Variants in ZNF385B observed in about 807,000 individuals in gnomAD.
The protein encoded by ZNF385B is zinc finger protein 385B, also known as zinc finger protein 533.
Under a neutral mutation model 39.2 loss-of-function variants are expected in ZNF385B, and 23 were observed. The ratio of observed to expected loss-of-function variants is 0.59; its 90% CI spans 0.42 to 0.83. The LOEUF is 0.83. ZNF385B is among the 40% of genes least tolerant of loss of function. The probability of loss-of-function intolerance (pLI) is 0.00; values close to 1 mark genes in which losing one functional copy is unlikely to be tolerated. For missense variants in ZNF385B, 552 were observed against 598.9 expected, an observed-to-expected ratio of 0.92 and a Z score of 0.82; for synonymous variants, 205 against 222.6, an observed-to-expected ratio of 0.92 and a Z score of 0.70.
chr2:179,683,539 A>G (rs1052423341), intron 3 of ZNF385B, among the ~76,000 whole-genome samples: 37 of 150,926 alleles, frequency 2.5e-4, no homozygotes, highest in Non-Finnish European at 5.9e-5. Context: ...GCAATGGCGC[A>G]GTCTCAGCTC....
intron 1 of ZNF385B, among the ~76,000 whole-genome samples, chr2:179,822,606 G>A (rs918621736): frequency 6.6e-6 from 1 of 152,102 alleles, no homozygotes; most frequent in Non-Finnish European, 1.5e-5. Flanking sequence ...TGAACCTAAA[G>A]ACCCTCCCTA....
At chr2:179,657,053 T>C (rs572036800) in intron 3 of ZNF385B, among the ~76,000 whole-genome samples, 1 of 152,220 alleles carries the variant, frequency 6.6e-6, no homozygotes, top group African/African-American at 2.4e-5. Flanking sequence ...AGAAAGCCAG[T>C]TTGATAAGGG....
intron 3 of ZNF385B, among the ~76,000 whole-genome samples, chr2:179,762,250 C>T (rs940453012): frequency 5.9e-5 from 9 of 151,856 alleles, no homozygotes; most frequent in Non-Finnish European, 8.8e-5. Flanking sequence ...AGTGCAGTGG[C>T]GTGATTTCGG....
chr2:179,624,147 A>T (rs1201449240), intron 3 of ZNF385B, among the ~76,000 whole-genome samples: 1 of 152,284 alleles, frequency 6.6e-6, no homozygotes, highest in East Asian at 1.9e-4. Flanking sequence ...AGTAACATTT[A>T]TCAGGTCTTT....
chr2:179,740,174 G>A (rs895735493), intron 3 of ZNF385B, among the ~76,000 whole-genome samples: 4 of 152,140 alleles, frequency 2.6e-5, no homozygotes, highest in Non-Finnish European at 5.9e-5. Context: ...AAGGAAGGGA[G>A]AGTTCTAGAT....
At chr2:179,633,532 A>C (rs1691440635) in intron 3 of ZNF385B, among the ~76,000 whole-genome samples, 1 of 152,228 alleles carries the variant, frequency 6.6e-6, no homozygotes, top group Non-Finnish European at 1.5e-5. Flanking sequence ...TCAATAAATT[A>C]GGTATTGATG....
intron 3 of ZNF385B, among the ~76,000 whole-genome samples, chr2:179,602,900 A>G (rs1415659277): frequency 6.6e-6 from 1 of 152,174 alleles, no homozygotes; most frequent in East Asian, 1.9e-4. Flanking sequence ...GCTTTTTGGT[A>G]TTTATTTTTC....
chr2:179,626,757 G>C (rs544953552), intron 3 of ZNF385B, among the ~76,000 whole-genome samples: 1 of 151,622 alleles, frequency 6.6e-6, no homozygotes, highest in East Asian at 1.9e-4. Flanking sequence ...CAAAGCAAAA[G>C]AAAAAAAAGA....
chr2:179,537,520 G>A (rs1312444448), intron 4 of ZNF385B, among the ~76,000 whole-genome samples: 1 of 151,854 alleles, frequency 6.6e-6, no homozygotes, highest in African/African-American at 2.4e-5. Context: ...CAGGCGGATT[G>A]CCTGAGCTCA....
rs763835174 is a variant in ZNF385B, at chr2:179,579,193, T to C, written c.299-34224A>G. 3.3e-4 allele frequency among the ~76,000 whole-genome samples: 50 copies of C among 152,134 alleles called. 1 individual carries two copies. The highest frequency in any genetic ancestry group is 6.8e-4 in the Non-Finnish European group (46 of 67,990). On this transcript the variant is annotated intron_variant, in intron 3 of 9. Coordinates refer to ENST00000410066, the MANE Select transcript of ZNF385B (RefSeq NM_152520.6). ...GATGGAGATTAAATCCTGGCTAATG[T>C]GGAGAAAAACTGAAAATTTTATTAA...
chr2:179,630,091 G>T (rs1691055832), intron 3 of ZNF385B, among the ~76,000 whole-genome samples: 1 of 152,272 alleles, frequency 6.6e-6, no homozygotes, highest in South Asian at 2.1e-4. Context: ...GCAGGGCATG[G>T]CTGAACAAAA....
At chr2:179,677,401 T>C (rs1696983649) in intron 3 of ZNF385B, among the ~76,000 whole-genome samples, 2 of 152,188 alleles carry the variant, frequency 1.3e-5, no homozygotes, top group Admixed American at 1.3e-4. Flanking sequence ...GAAGTGAAGT[T>C]AAAAGAATGA....
intron 3 of ZNF385B, among the ~76,000 whole-genome samples, chr2:179,752,472 A>G (rs1702739287): frequency 6.6e-6 from 1 of 152,192 alleles, no homozygotes; most frequent in South Asian, 2.1e-4. Flanking sequence ...GCTGGGTCAA[A>G]TGGTATTTCT....
chr2:179,546,727 G>A (rs2060257632), intron 3 of ZNF385B, among the ~76,000 whole-genome samples: 2 of 132,514 alleles, frequency 1.5e-5, no homozygotes, highest in African/African-American at 6.4e-5. Flanking sequence ...TTCTTTCTTT[G>A]GGGTATATAC....
chr2:179,628,236 C>T (rs1690852473), intron 3 of ZNF385B, among the ~76,000 whole-genome samples: 1 of 152,124 alleles, frequency 6.6e-6, no homozygotes, highest in Non-Finnish European at 1.5e-5. Flanking sequence ...CTCTGACTCC[C>T]TCAAAGTTCT....
In ZNF385B at chr2:179,571,669, T is replaced by C. The variant is rs113391577; in HGVS notation, c.299-26700A>G. On this transcript the variant is annotated intron_variant, in intron 3 of 9. Transcript: ENST00000410066. ...AGATTCAGTTACAACCTTTAAGTTC[T>C]ATTCATATTTTCACATGGCGTTTCT... Among the ~76,000 whole-genome samples the C allele has an allele frequency of 3.2e-3, 495 of 152,348 alleles. 3 individuals are homozygous for C. The highest frequency in any genetic ancestry group is 0.011 in the African/African-American group (467 of 41,592).
At chr2:179,585,431 G>T (rs1686981049) in intron 3 of ZNF385B, among the ~76,000 whole-genome samples, 1 of 152,122 alleles carries the variant, frequency 6.6e-6, no homozygotes, top group Non-Finnish European at 1.5e-5. Flanking sequence ...CTATTTACTT[G>T]CCTACGGTAT....
chr2:179,598,316 T>A (rs1381531952), intron 3 of ZNF385B, among the ~76,000 whole-genome samples: 2 of 152,156 alleles, frequency 1.3e-5, no homozygotes, highest in East Asian at 1.9e-4. Flanking sequence ...CTAGTCTGCA[T>A]CCTGCTCCAC....
chr2:179,602,744 G>T (rs919182905), intron 3 of ZNF385B, among the ~76,000 whole-genome samples: 1 of 152,090 alleles, frequency 6.6e-6, no homozygotes, highest in Non-Finnish European at 1.5e-5. Context: ...ATTTTCCAAT[G>T]GAGTAATTTT....
Sources: allele counts gnomAD v4.1 joint callset (sites outside exome capture counted in the v4.1 genomes callset), GRCh38; gene constraint gnomAD v4.1.1; transcripts MANE v1.5; gene names NCBI Gene and HGNC (gene_info 2026-07-23, HGNC 2026-07-21).